The following C8A variants were observed in gnomAD, a reference collection of about 807,000 sequenced individuals.
C8A encodes complement C8 alpha chain, also known as complement component C8 alpha chain.
In C8A, 67 loss-of-function variants were observed where a neutral mutation model predicts 65.3. The ratio of observed to expected loss-of-function variants is 1.03; its 90% CI spans 0.84 to 1.26. C8A has a LOEUF of 1.26. Ranked by LOEUF, C8A falls within the 50% of genes most tolerant of loss-of-function variation. The probability of loss-of-function intolerance (pLI) is 0.00; values close to 1 mark genes in which losing one functional copy is unlikely to be tolerated. For missense variants in C8A, 781 were observed against 723.9 expected, an observed-to-expected ratio of 1.08 and a Z score of -0.90; for synonymous variants, 290 against 259.4, an observed-to-expected ratio of 1.12 and a Z score of -1.13.
At chr1:56,910,091 C>A (rs535203220) in intron 9 of C8A, among the ~76,000 whole-genome samples, 4 of 152,250 alleles carry the variant, frequency 2.6e-5, no homozygotes, top group South Asian at 2.1e-4. Flanking sequence ...AGATTACAGA[C>A]AAGGGGACCA....
At position 56,854,828 on chromosome 1, in the gene C8A, A is replaced by G. The variant is rs1179459442; in HGVS notation, c.-74A>G. Reference sequence around the variant, plus strand: ...ATCTTACAGGTCCCAGCCTGTAGACATCTTTTACTCCAATTTCCTGAATAG... The same window carrying G: ...ATCTTACAGGTCCCAGCCTGTAGACGTCTTTTACTCCAATTTCCTGAATAG... On this transcript the variant is annotated 5_prime_UTR_variant, in exon 1 of 11. Coordinates refer to ENST00000361249, the MANE Select transcript of C8A (RefSeq NM_000562.3). 1.5e-6 allele frequency: 2 copies of G among 1,292,754 alleles called. No homozygotes were observed. Among genetic ancestry groups the G allele is most frequent in the Non-Finnish European group, 2.2e-6 (2 of 902,624 alleles). The allele number at this position is 1,292,754 out of a possible 1,614,324, so 80.1% of individuals were successfully genotyped here.
At chr1:56,884,067 TAAA>T (rs61268937) in intron 6 of C8A, among the ~76,000 whole-genome samples, 14 of 126,304 alleles carry the variant, frequency 1.1e-4, no homozygotes, top group East Asian at 6.9e-4. Context: ...ACTGGTATGC[TAAA>T]AAAAAAAAAA....
At chr1:56,909,692 G>C (rs1323366220) in intron 9 of C8A, among the ~76,000 whole-genome samples, 1 of 152,186 alleles carries the variant, frequency 6.6e-6, no homozygotes, top group East Asian at 1.9e-4. Flanking sequence ...AGAGGGAGGA[G>C]AAAGACATAA....
intron 7 of C8A, among the ~76,000 whole-genome samples, chr1:56,898,707 C>G (rs2101279679): frequency 6.6e-6 from 1 of 152,206 alleles, no homozygotes; most frequent in African/African-American, 2.4e-5. Flanking sequence ...CAGTGTGCAT[C>G]CTGTTAATGT....
In C8A at chr1:56,876,212, G is replaced by T; in HGVS notation, c.464+3G>T. On this transcript the variant is annotated splice_donor_region_variant and intron_variant, in intron 4 of 10. Transcript: ENST00000361249. Reference sequence around the variant, plus strand: ...GGATCACAGAAGGCAGCCTTGGGGTGAGGCCCTGCCTACTAGCTATTTAGG... The same window carrying T: ...GGATCACAGAAGGCAGCCTTGGGGTTAGGCCCTGCCTACTAGCTATTTAGG... 6.2e-7 allele frequency: 1 copy of T among 1,613,790 alleles called. No individual in the cohort carries two copies. The highest frequency in any genetic ancestry group is 8.5e-7 in the Non-Finnish European group (1 of 1,179,808).
At chr1:56,885,555 GTTTTT>G (rs201414278) in intron 6 of C8A, among the ~76,000 whole-genome samples, 1 of 127,844 alleles carries the variant, frequency 7.8e-6, no homozygotes, top group African/African-American at 2.9e-5. Context: ...TTTCTTTTTT[GTTTTT>G]TTTTGTTTGT....
In C8A at chr1:56,890,796, C is replaced by A. The variant is rs183008015; in HGVS notation, c.1096+4629C>A. Among the ~76,000 whole-genome samples the A allele has an allele frequency of 1.6e-4, 25 of 152,196 alleles. No homozygotes were observed. In the East Asian group the frequency reaches 4.8e-3, roughly 29 times the overall value. ...GCAGTATTCTTATCATTTGGGCCTC[C>A]TTAAGCATCACCTTTTCAGAGAGAC... On this transcript the variant is annotated intron_variant, in intron 7 of 10. Coordinates refer to ENST00000361249, the MANE Select transcript of C8A (RefSeq NM_000562.3).
At chr1:56,870,658 C>G (rs951711359) in intron 2 of C8A, among the ~76,000 whole-genome samples, 8 of 146,452 alleles carry the variant, frequency 5.5e-5, no homozygotes, top group African/African-American at 2.7e-5. Context: ...ATTATTCAAC[C>G]TGTTATATAT....
chr1:56,858,574 C>A (rs1394735249), intron 1 of C8A, among the ~76,000 whole-genome samples: 1 of 152,114 alleles, frequency 6.6e-6, no homozygotes, highest in Non-Finnish European at 1.5e-5. Context: ...ATCATGATGT[C>A]CCTTTTTATT....
chr1:56,868,724 C>G (rs1644115500), intron 2 of C8A, among the ~76,000 whole-genome samples: 1 of 152,128 alleles, frequency 6.6e-6, no homozygotes. Context: ...GCTCCCTTCC[C>G]CACTCGGCAT....
At chr1:56,906,602 G>T in intron 7 of C8A, 65 bp from the exon 8 acceptor site, 1 of 1,599,424 alleles carries the variant, frequency 6.3e-7, no homozygotes, top group South Asian at 1.1e-5. Context: ...CTCTGACATA[G>T]TTGTACCATG....
chr1:56,861,123 A>G (rs1219378305), intron 1 of C8A, among the ~76,000 whole-genome samples: 1 of 152,152 alleles, frequency 6.6e-6, no homozygotes, highest in Non-Finnish European at 1.5e-5. Context: ...AAATTGACAT[A>G]AACATGCTTA....
Position 56,854,885 on chromosome 1 carries a change from G to T in C8A, c.-17G>T, listed in dbSNP as rs552319150. On this transcript the variant is annotated 5_prime_UTR_variant, in exon 1 of 11. Coordinates refer to ENST00000361249, the MANE Select transcript of C8A (RefSeq NM_000562.3). Reference sequence around the variant, plus strand: ...TTATTCCTTCAAGGTAATATAGTGCGGTGGCTTCTGGCTGAGATGTTTGCT... The same window carrying T: ...TTATTCCTTCAAGGTAATATAGTGCTGTGGCTTCTGGCTGAGATGTTTGCT... The T allele has an allele frequency of 6.2e-7, 1 of 1,610,432 alleles. No individual in the cohort carries two copies. The highest frequency in any genetic ancestry group is 1.7e-5 in the Admixed American group (1 of 59,776).
chr1:56,890,589 C>T (rs1644336939), intron 7 of C8A, among the ~76,000 whole-genome samples: 1 of 152,142 alleles, frequency 6.6e-6, no homozygotes, highest in African/African-American at 2.4e-5. Flanking sequence ...CATTGTCTCT[C>T]ACCTGGATAC....
intron 6 of C8A, among the ~76,000 whole-genome samples, chr1:56,885,401 TATATATTTATTTAA>T (rs1644288010): frequency 7.2e-5 from 9 of 125,416 alleles, no homozygotes; most frequent in Middle Eastern, 3.8e-3. Flanking sequence ...TTTAAATAAA[TATATATTTATTTAA>T]ATATATATTT....
intron 7 of C8A, among the ~76,000 whole-genome samples, chr1:56,893,317 T>C (rs1383424424): frequency 1.3e-5 from 2 of 152,186 alleles, no homozygotes; most frequent in Non-Finnish European, 2.9e-5. Flanking sequence ...AGTCAGTAAG[T>C]ACTAAAGCCA....
At chr1:56,866,986 T>C (rs1226513737) in intron 1 of C8A, among the ~76,000 whole-genome samples, 5 of 152,154 alleles carry the variant, frequency 3.3e-5, no homozygotes, top group Non-Finnish European at 7.4e-5. Flanking sequence ...CTACTTAGCT[T>C]TTAGGAATCC....
Position 56,854,927 on chromosome 1 carries a change from T to C in C8A, c.26T>C (p.Leu9Ser), listed in dbSNP as rs192696675. 2.4e-4 allele frequency: 388 copies of C among 1,613,802 alleles called. 10 individuals carry two copies. In the East Asian group the frequency reaches 8.6e-3, roughly 36 times the overall value. MFAVVFFI[L>S]SLMTCQPGVT... ...ATGTTTGCTGTTGTTTTCTTCATCTTGTCTTTGATGACTTGTCAGCCTGGG... is the reference window on the plus strand; with the variant it reads ...ATGTTTGCTGTTGTTTTCTTCATCTCGTCTTTGATGACTTGTCAGCCTGGG... Residue 9 changes from leucine (L) to serine (S), a missense_variant, in exon 1 of 11, where the codon TTG (leucine) becomes TCG (serine). Physicochemically the swap from Leu to Ser is moderately radical, Grantham distance 145. Coordinates refer to ENST00000361249, the MANE Select transcript of C8A (RefSeq NM_000562.3).
At chr1:56,865,242 G>T (rs1644073603) in intron 1 of C8A, among the ~76,000 whole-genome samples, 1 of 152,290 alleles carries the variant, frequency 6.6e-6, no homozygotes, top group Non-Finnish European at 1.5e-5. Context: ...TTACTACTTG[G>T]ACTACTATAA....
Sources: allele counts gnomAD v4.1 joint callset (sites outside exome capture counted in the v4.1 genomes callset), GRCh38; gene constraint gnomAD v4.1.1; transcripts MANE v1.5; gene names NCBI Gene and HGNC (gene_info 2026-07-23, HGNC 2026-07-21).